Variants in HSF5 observed in about 807,000 individuals in gnomAD.
HSF5 encodes the protein heat shock transcription factor 5, also known as heat shock factor protein 5.
HSF5 carries 5 observed loss-of-function variants against 50.8 expected under a neutral mutation model. That is an observed-to-expected ratio of 0.10 (90% confidence interval 0.05 to 0.21). The LOEUF is 0.21. Ranked by LOEUF, HSF5 falls within the 10% of genes least tolerant of loss-of-function variation. HSF5 has a pLI of 1.00. For synonymous variants in HSF5, 307 were observed against 307.4 expected, an observed-to-expected ratio of 1.00 and a Z score of 0.02; for missense variants, 564 against 762.6, an observed-to-expected ratio of 0.74 and a Z score of 3.07.
intron 2 of HSF5, among the ~76,000 whole-genome samples, chr17:58,478,554 T>C (rs1004499909): frequency 6.9e-6 from 1 of 144,642 alleles, no homozygotes; most frequent in African/African-American, 2.5e-5. Context: ...TTGCAAAAAG[T>C]TTTCTATTAA....
intron 5 of HSF5, among the ~76,000 whole-genome samples, chr17:58,437,742 T>A (rs1974444902): frequency 6.6e-6 from 1 of 152,230 alleles, no homozygotes; most frequent in South Asian, 2.1e-4. Flanking sequence ...TCACAACACA[T>A]CAAGCTACTT....
At chr17:58,456,050 T>C (rs1417704740) in intron 5 of HSF5, among the ~76,000 whole-genome samples, 1 of 152,084 alleles carries the variant, frequency 6.6e-6, no homozygotes, top group Non-Finnish European at 1.5e-5. Context: ...ACCACAGCAC[T>C]ATTTACAATA....
chr17:58,466,941 G>A lies in HSF5; in HGVS notation c.964C>T (p.Leu322=), dbSNP rs1304335733. ...QCCSPTHMDA[L]SSCVTPTASS... is the part of the protein sequence containing the mutation. ...GCAGTGGGAGTGACACAACTACTTA[G>A]AGCATCCATGTGGGTAGGAGAACAG... The change falls in exon 3 of 6, where the codon CTA becomes TTA. Residue 322 remains leucine (L), a synonymous_variant. Coordinates refer to ENST00000323777, the MANE Select transcript of HSF5 (RefSeq NM_001080439.3). 1.2e-6 allele frequency: 2 copies of A among 1,611,870 alleles called. No individual in the cohort carries two copies. Among genetic ancestry groups the A allele is most frequent in the African/African-American group, 2.7e-5 (2 of 74,890 alleles).
At chr17:58,445,602 C>T (rs527428845) in intron 5 of HSF5, among the ~76,000 whole-genome samples, 5 of 152,086 alleles carry the variant, frequency 3.3e-5, no homozygotes, top group African/African-American at 1.2e-4. Context: ...CATGAATGAA[C>T]CTTGAGAACA....
At chr17:58,480,530 C>A (rs1396046067) in intron 1 of HSF5, among the ~76,000 whole-genome samples, 1 of 152,070 alleles carries the variant, frequency 6.6e-6, no homozygotes, top group Non-Finnish European at 1.5e-5. Flanking sequence ...AATGTTAAAT[C>A]AAAAATTCAA....
At chr17:58,472,280 A>C (rs1974957473) in intron 2 of HSF5, among the ~76,000 whole-genome samples, 1 of 152,166 alleles carries the variant, frequency 6.6e-6, no homozygotes, top group Non-Finnish European at 1.5e-5. Flanking sequence ...CAGTCTGGAC[A>C]ACAAAGCAAG....
intron 5 of HSF5, among the ~76,000 whole-genome samples, chr17:58,456,042 C>T (rs1974706881): frequency 6.6e-6 from 1 of 151,982 alleles, no homozygotes; most frequent in African/African-American, 2.4e-5. Flanking sequence ...CCGTGTTTAC[C>T]ACAGCACTAT....
At chr17:58,476,365 T>C in intron 2 of HSF5, 1 of 1,083,378 alleles carries the variant, frequency 9.2e-7, no homozygotes, top group Non-Finnish European at 1.4e-6. Flanking sequence ...ATCAGAATGG[T>C]CAGTAAATCA....
chr17:58,482,715 A>G (rs1029584602), intron 1 of HSF5, among the ~76,000 whole-genome samples: 5 of 143,278 alleles, frequency 3.5e-5, no homozygotes, highest in African/African-American at 1.3e-4. Context: ...ATCTCAAAAA[A>G]AAAAAAAAAA....
intron 2 of HSF5, among the ~76,000 whole-genome samples, chr17:58,467,643 T>C (rs1000077964): frequency 6.6e-6 from 1 of 152,206 alleles, no homozygotes; most frequent in Non-Finnish European, 1.5e-5. Context: ...CTACCAAATA[T>C]GGTGGTTGTT....
Position 58,458,867 on chromosome 17 carries a change from C to G in HSF5, c.1621G>C (p.Glu541Gln), listed in dbSNP as rs764488788. The G allele has an allele frequency of 6.2e-7, 1 of 1,614,180 alleles. No homozygotes were observed. The highest frequency in any genetic ancestry group is 8.5e-7 in the Non-Finnish European group (1 of 1,180,026). Residue 541 changes from glutamate to glutamine, a missense_variant, in exon 5 of 6, where the codon GAA (glutamate) becomes CAA (glutamine). Physicochemically the swap from Glu to Gln is conservative, Grantham distance 29 (BLOSUM62 2). Transcript: ENST00000323777. Reference sequence around the variant, plus strand: ...CTAGGCTTGCTAGCAGGCCCCATTTCTGAAATGAGGAATCCCATCTGTTCT... The same window carrying G: ...CTAGGCTTGCTAGCAGGCCCCATTTGTGAAATGAGGAATCCCATCTGTTCT... ...PSEQMGFLIS[E>Q]MGPASKPSED...
At chr17:58,480,873 A>C (rs781392582) in intron 1 of HSF5, among the ~76,000 whole-genome samples, 21 of 152,120 alleles carry the variant, frequency 1.4e-4, no homozygotes, top group Non-Finnish European at 2.6e-4. Context: ...CTCTAGCCTC[A>C]AACTTCCAGG....
intron 2 of HSF5, chr17:58,476,466 T>A: frequency 1.8e-6 from 2 of 1,082,458 alleles, no homozygotes; most frequent in Admixed American, 3.4e-5. Context: ...CCATTCCAGA[T>A]TTCCATTTGA....
At chr17:58,469,093 G>T (rs1974910825) in intron 2 of HSF5, among the ~76,000 whole-genome samples, 1 of 138,136 alleles carries the variant, frequency 7.2e-6, no homozygotes, top group East Asian at 2.1e-4. Flanking sequence ...CAAAACTCGG[G>T]AAGGGAAAAA....
intron 5 of HSF5, among the ~76,000 whole-genome samples, chr17:58,457,080 G>A (rs997678299): frequency 8.6e-5 from 13 of 151,878 alleles, no homozygotes; most frequent in Admixed American, 2.6e-4. Flanking sequence ...CCAACATGGC[G>A]GAAACCTTGC....
chr17:58,443,938 T>G (rs1264816711), intron 5 of HSF5, among the ~76,000 whole-genome samples: 1 of 152,136 alleles, frequency 6.6e-6, no homozygotes, highest in African/African-American at 2.4e-5. Context: ...AGAATGTATT[T>G]GTGCACTGTT....
At chr17:58,482,955 A>AG (rs1170100400) in intron 1 of HSF5, among the ~76,000 whole-genome samples, 3 of 151,524 alleles carry the variant, frequency 2.0e-5, no homozygotes, top group African/African-American at 7.3e-5. Context: ...AAAAAAAAAA[A>AG]AAAGCATAAA....
intron 2 of HSF5, among the ~76,000 whole-genome samples, chr17:58,468,575 T>C (rs1283708542): frequency 6.6e-6 from 1 of 152,230 alleles, no homozygotes; most frequent in East Asian, 1.9e-4. Flanking sequence ...ATTTTGAGTG[T>C]GCTAATCTCA....
intron 2 of HSF5, chr17:58,477,027 C>T (rs1282847752): frequency 1.5e-5 from 8 of 551,334 alleles, no homozygotes; most frequent in Admixed American, 9.4e-5. Context: ...TCACGGCACA[C>T]GCGCGGGCGC....
Sources: allele counts gnomAD v4.1 joint callset (sites outside exome capture counted in the v4.1 genomes callset), GRCh38; gene constraint gnomAD v4.1.1; transcripts MANE v1.5; gene names NCBI Gene and HGNC (gene_info 2026-07-23, HGNC 2026-07-21).